The following FLNB variants were observed in gnomAD, a reference collection of about 807,000 sequenced individuals.
FLNB encodes the protein filamin B.
FLNB carries 111 observed loss-of-function variants against 250.6 expected under a neutral mutation model. That is an observed-to-expected ratio of 0.44 (90% CI 0.38 to 0.52). The LOEUF is 0.52. Ranked by LOEUF, FLNB falls within the 20% of genes least tolerant of loss-of-function variation. FLNB has a pLI of 0.00. For synonymous variants in FLNB, 1,302 were observed against 1,372.1 expected (o/e 0.95, Z 1.13); for missense variants, 2,869 against 3,447.8 (o/e 0.83, Z 4.20).
intron 38 of FLNB, 23 bp downstream of exon 38, chr3:58,150,250 G>A (rs769223167): frequency 8.1e-6 from 13 of 1,614,060 alleles, no homozygotes; most frequent in East Asian, 2.2e-5. Flanking sequence ...GACTAGTAGG[G>A]TGGGGAAGCC....
At chr3:58,129,750 C>A (rs1437250571) in intron 24 of FLNB, among the ~76,000 whole-genome samples, 1 of 152,184 alleles carries the variant, frequency 6.6e-6, no homozygotes, top group Non-Finnish European at 1.5e-5. Flanking sequence ...ATTAACTTTG[C>A]CAGATACCAT....
At chr3:58,028,385 A>AT (rs1007641199) in intron 1 of FLNB, among the ~76,000 whole-genome samples, 8 of 151,812 alleles carry the variant, frequency 5.3e-5, no homozygotes, top group Admixed American at 2.0e-4. Context: ...GTTGTTTAGA[A>AT]TTTTTTTTAA....
chr3:58,150,559 C>T, intron 38 of FLNB: 1 of 369,214 alleles, frequency 2.7e-6, no homozygotes, highest in Non-Finnish European at 5.2e-6. Flanking sequence ...ACTGGCCCTG[C>T]CGATGCCAGG....
intron 1 of FLNB, among the ~76,000 whole-genome samples, chr3:58,070,776 C>T (rs2097193217): frequency 6.6e-6 from 1 of 151,508 alleles, no homozygotes. Context: ...TCTCTTGCCT[C>T]AGCCTCCCGA....
rs544971286 is a variant in FLNB, at chr3:58,104,959, T to C, written c.1611-121T>C. Reference sequence around the variant, plus strand: ...CAGGAGGAAGGGCTTGGCTGCAGTTTGGGATGCCAGATGAAAGGATCAGGC... The same window carrying C: ...CAGGAGGAAGGGCTTGGCTGCAGTTCGGGATGCCAGATGAAAGGATCAGGC... On this transcript the variant is annotated intron_variant, in intron 10 of 45. Transcript: ENST00000295956. The C allele has an allele frequency of 3.8e-6, 5 of 1,309,982 alleles. No individual in the cohort carries two copies. In the African/African-American group the frequency reaches 7.2e-5, roughly 19 times the overall value. The allele number at this position is 1,309,982 out of a possible 1,614,324, so 81.1% of individuals were successfully genotyped here. A position where few individuals can be genotyped will look rare whatever the true frequency, so the allele number is the denominator to read the frequency against.
In FLNB at chr3:58,138,508, T is replaced by C. The variant is rs1391377559; in HGVS notation, c.5088T>C (p.Pro1696=). The change falls in exon 29 of 46, where the codon CCT becomes CCC. Residue 1696 remains proline (P), a synonymous_variant. Transcript: ENST00000295956. The part of the protein sequence containing the change: ...IYVRFGGVDI[P]NSPFTVMATD... ...TGCGCTTCGGTGGTGTTGATATTCC[T>C]AACAGCCCCTTCACTGTCATGGTAA... 6.2e-7 allele frequency: 1 copy of C among 1,614,216 alleles called. No homozygotes were observed. The highest frequency in any genetic ancestry group is 1.7e-5 in the Admixed American group (1 of 60,024).
intron 1 of FLNB, among the ~76,000 whole-genome samples, chr3:58,068,259 G>A (rs559106487): frequency 1.8e-4 from 27 of 152,340 alleles, no homozygotes; most frequent in Admixed American, 5.2e-4. Flanking sequence ...CAGTTATCAG[G>A]GCCTTAAGTC....
chr3:58,027,384 G>A (rs889546354), intron 1 of FLNB, among the ~76,000 whole-genome samples: 9 of 151,686 alleles, frequency 5.9e-5, no homozygotes, highest in Non-Finnish European at 8.8e-5. Context: ...GGCCCGGTCC[G>A]CCTGCCTCAG....
chr3:58,080,494 ATTTT>A (rs5849235), intron 3 of FLNB, among the ~76,000 whole-genome samples: 1 of 129,604 alleles, frequency 7.7e-6, no homozygotes, highest in African/African-American at 2.9e-5. Flanking sequence ...CCCATTCCCT[ATTTT>A]TTTTTTTTTT....
chr3:58,154,685 G>A (rs2107292862), intron 39 of FLNB, 106 bp from the exon 40 acceptor site: 1 of 1,233,582 alleles, frequency 8.1e-7, no homozygotes, highest in Non-Finnish European at 1.2e-6. Context: ...AAAGAGGAAA[G>A]GGCTAGCAAC....
intron 10 of FLNB, 95 bp downstream of exon 10, chr3:58,104,180 G>T: frequency 4.2e-5 from 51 of 1,212,172 alleles, no homozygotes; most frequent in Non-Finnish European, 5.6e-5. Flanking sequence ...GAGGGAAAGA[G>T]ATCTGCTTTG....
intron 4 of FLNB, among the ~76,000 whole-genome samples, chr3:58,086,268 C>T (rs565037430): frequency 1.4e-3 from 207 of 151,782 alleles, no homozygotes; most frequent in African/African-American, 4.8e-3. Context: ...CCTCAAAGTG[C>T]TGGGATTACA....
chr3:58,110,780 G>A (rs538098255), intron 16 of FLNB, among the ~76,000 whole-genome samples: 7 of 152,176 alleles, frequency 4.6e-5, no homozygotes, highest in African/African-American at 1.7e-4. Flanking sequence ...TAGTAGAGAC[G>A]GTTGCCCAGA....
chr3:58,041,089 CTG>C (rs752080007), intron 1 of FLNB, among the ~76,000 whole-genome samples: 31 of 152,078 alleles, frequency 2.0e-4, no homozygotes, highest in Non-Finnish European at 3.8e-4. Context: ...GCTGAGGAAA[CTG>C]AGGCTACATT....
chr3:58,087,825 C>G lies in FLNB; in HGVS notation c.787+6049C>G, dbSNP rs553765139. The stretch of plus-strand genomic sequence containing the variant: ...GCACGATCTCGGCTCACTGCAACCT[C>G]TGCCTCCTGGATTCAAGTAATTCTC... On this transcript the variant is annotated intron_variant, in intron 4 of 45. Transcript: ENST00000295956. Among the ~76,000 whole-genome samples the G allele has an allele frequency of 9.2e-4, 139 of 151,178 alleles. 2 individuals carry two copies. Among genetic ancestry groups the G allele is most frequent in the South Asian group, 1.1e-3 (5 of 4,756 alleles).
intron 1 of FLNB, among the ~76,000 whole-genome samples, chr3:58,072,456 A>C (rs1285373462): frequency 6.6e-6 from 1 of 152,152 alleles, no homozygotes; most frequent in Non-Finnish European, 1.5e-5. Context: ...CTCGGCGTAA[A>C]CATTGCAGAG....
rs199540800 is a variant in FLNB, at chr3:58,081,802, A to G, written c.787+26A>G. ...GTGAGTGCTGGTCCTCTGGTGTTGT[A>G]TTGGAGACATGTCCTCTGGTGTTGG... On this transcript the variant is annotated intron_variant, in intron 4 of 45. Coordinates refer to ENST00000295956, the MANE Select transcript of FLNB (RefSeq NM_001457.4). 872 of 1,613,360 alleles carry G rather than the reference A, an allele frequency of 5.4e-4. 3 individuals are homozygous for G. The African/African-American group carries it at 0.01, about 19-fold the overall frequency.
chr3:58,117,714 G>A (rs952024318), intron 18 of FLNB, among the ~76,000 whole-genome samples: 4 of 150,884 alleles, frequency 2.7e-5, no homozygotes, highest in Non-Finnish European at 6.0e-5. Context: ...GTTCACATGA[G>A]GCAGGGGGCC....
At chr3:58,110,602 G>A (rs183712363) in intron 16 of FLNB, among the ~76,000 whole-genome samples, 2 of 152,036 alleles carry the variant, frequency 1.3e-5, no homozygotes, top group East Asian at 1.9e-4. Context: ...AGGCCACCAC[G>A]CCTGGCTAAT....
Sources: allele counts gnomAD v4.1 joint callset (sites outside exome capture counted in the v4.1 genomes callset), GRCh38; gene constraint gnomAD v4.1.1; transcripts MANE v1.5; gene names NCBI Gene and HGNC (gene_info 2026-07-23, HGNC 2026-07-21).